Variants in PSMD1 observed in about 807,000 individuals in gnomAD.
PSMD1 encodes the protein proteasome 26S subunit, non-ATPase 1.
A neutral mutation model predicts 119.0 loss-of-function variants in PSMD1; 18 were observed. The observed-to-expected ratio is 0.15, with a 90% confidence interval of 0.10 to 0.22. The LOEUF (loss-of-function observed/expected upper bound fraction) is 0.22. Ranked by LOEUF, PSMD1 falls within the 10% of genes least tolerant of loss-of-function variation. PSMD1 has a pLI of 1.00. For synonymous variants in PSMD1, 374 were observed against 396.6 expected (o/e 0.94, Z 0.68); for missense variants, 702 against 1,158.5 (o/e 0.61, Z 5.72).
intron 16 of PSMD1, among the ~76,000 whole-genome samples, chr2:231,128,384 GCTTT>G (rs1280219843): frequency 1.3e-5 from 2 of 152,168 alleles, no homozygotes; most frequent in Non-Finnish European, 2.9e-5. Context: ...ATATTTCTCA[GCTTT>G]CTTTTTATTC....
intron 16 of PSMD1, among the ~76,000 whole-genome samples, chr2:231,123,157 G>A (rs1695604000): frequency 6.6e-6 from 1 of 152,082 alleles, no homozygotes; most frequent in Admixed American, 6.5e-5. Context: ...TCACTAACTT[G>A]AATGACTTTT....
chr2:231,105,963 T>TC (rs1349728556), intron 16 of PSMD1, among the ~76,000 whole-genome samples: 1 of 152,070 alleles, frequency 6.6e-6, no homozygotes. Flanking sequence ...CATTTTTTTT[T>TC]TCTACATCTT....
At chr2:231,158,180 G>A (rs984893792) in intron 19 of PSMD1, among the ~76,000 whole-genome samples, 1 of 151,986 alleles carries the variant, frequency 6.6e-6, no homozygotes, top group Non-Finnish European at 1.5e-5. Flanking sequence ...GCGTGGTGGT[G>A]CATGCCTGTA....
chr2:231,159,737 A>G (rs973121001), intron 19 of PSMD1, among the ~76,000 whole-genome samples: 1 of 152,204 alleles, frequency 6.6e-6, no homozygotes, highest in African/African-American at 2.4e-5. Context: ...ACTCTAGAGG[A>G]ATAGTCTAGG....
chr2:231,087,772 C>T (rs1694488172), intron 16 of PSMD1, among the ~76,000 whole-genome samples: 1 of 152,124 alleles, frequency 6.6e-6, no homozygotes, highest in Admixed American at 6.5e-5. Context: ...ATCACCCTGA[C>T]TAACACGGTG....
chr2:231,138,736 A>C lies in PSMD1; in HGVS notation c.1884A>C (p.Arg628Ser). The C allele has an allele frequency of 6.2e-7, 1 of 1,610,982 alleles. No homozygotes were observed. ...GGCTTCGCTTTCTGTTTCTTATCAG[A>C]ACCCCTGAACAGTGCCCAAGTGTTG... ...AVESLGFILF[R>S]TPEQCPSVVS... The change falls in exon 17 of 25, where the codon AGA (arginine) becomes AGC (serine). Residue 628 changes from arginine to serine, a missense_variant and splice_region_variant. Around this residue, in one of 9 missense-constraint regions of PSMD1, gnomAD observed 272 missense variants for 511.6 expected, o/e 0.53. Transcript: ENST00000308696.
chr2:231,097,924 C>T (rs772392462), intron 16 of PSMD1, among the ~76,000 whole-genome samples: 6 of 152,118 alleles, frequency 3.9e-5, no homozygotes, highest in Non-Finnish European at 8.8e-5. Flanking sequence ...CACACATCTG[C>T]TTGGGGATGA....
chr2:231,102,108 C>G (rs1441838225), intron 16 of PSMD1, among the ~76,000 whole-genome samples: 1 of 152,112 alleles, frequency 6.6e-6, no homozygotes, highest in African/African-American at 2.4e-5. Context: ...CATGAGCCAC[C>G]CATTGGGTCT....
At chr2:231,090,735 A>T (rs1439094320) in intron 16 of PSMD1, among the ~76,000 whole-genome samples, 1 of 152,164 alleles carries the variant, frequency 6.6e-6, no homozygotes, top group Non-Finnish European at 1.5e-5. Flanking sequence ...AGTCTAGAAG[A>T]AGTTGATTCC....
At chr2:231,124,032 G>GA (rs887303142) in intron 16 of PSMD1, 17 of 411,948 alleles carry the variant, frequency 4.1e-5, no homozygotes, top group Non-Finnish European at 5.8e-5. Context: ...TGATAGCTGT[G>GA]AAAAAAATAG....
intron 17 of PSMD1, 79 bp from the exon 18 acceptor site, chr2:231,146,161 C>A (rs889540631): frequency 4.2e-6 from 4 of 942,242 alleles, no homozygotes; most frequent in Non-Finnish European, 6.9e-6. Context: ...AATGTCGTTA[C>A]ATGGCATGTG....
chr2:231,116,790 A>T lies in PSMD1; in HGVS notation c.1884-21946A>T, dbSNP rs543596617. Among the ~76,000 whole-genome samples the T allele has an allele frequency of 7.9e-5, 12 of 152,218 alleles. No individual in the cohort carries two copies. The East Asian group carries it at 1.2e-3, about 15-fold the overall frequency. On this transcript the variant is annotated intron_variant, in intron 16 of 24. Coordinates refer to ENST00000308696, the MANE Select transcript of PSMD1 (RefSeq NM_002807.4). ...TTGTTAACAGAAATATTGAGATGTG[A>T]TACAGAATTTTCTTTAAGAAAGAAT...
chr2:231,069,883 C>A, intron 5 of PSMD1, 142 bp from the exon 6 acceptor site: 1 of 524,164 alleles, frequency 1.9e-6, no homozygotes, highest in East Asian at 3.6e-5. Context: ...GTTTAAAATT[C>A]TTGAGTTTGT....
In PSMD1 at chr2:231,144,324, T is replaced by A. The variant is rs549229110; in HGVS notation, c.1999-1916T>A. ...CGGAGTGCAATGGCACTATCCTGCC[T>A]CACTGCAACCTCTGCCTCCTTGGTT... On this transcript the variant is annotated intron_variant, in intron 17 of 24. Transcript: ENST00000308696. Among the ~76,000 whole-genome samples, 3 of 150,406 alleles carry A rather than the reference T, an allele frequency of 2.0e-5. No individual in the cohort carries two copies. The South Asian group carries it at 6.3e-4, about 32-fold the overall frequency.
intron 16 of PSMD1, among the ~76,000 whole-genome samples, chr2:231,125,687 G>A (rs1302754167): frequency 1.3e-5 from 2 of 152,146 alleles, no homozygotes; most frequent in African/African-American, 2.4e-5. Flanking sequence ...TACAAGTAAT[G>A]AAAATACGTT....
At chr2:231,109,469 G>T (rs1217156914) in intron 16 of PSMD1, 8 of 1,365,818 alleles carry the variant, frequency 5.9e-6, no homozygotes, top group Non-Finnish European at 8.4e-6. Context: ...TCTTCGATTA[G>T]ATCCTTTTGG....
At chr2:231,149,469 T>TA (rs930864565) in intron 18 of PSMD1, among the ~76,000 whole-genome samples, 4 of 152,026 alleles carry the variant, frequency 2.6e-5, no homozygotes, top group African/African-American at 4.8e-5. Flanking sequence ...ACCCTATCTC[T>TA]AAAAAACAAA....
intron 16 of PSMD1, among the ~76,000 whole-genome samples, chr2:231,128,822 G>A (rs1695788430): frequency 1.3e-5 from 2 of 152,298 alleles, no homozygotes; most frequent in South Asian, 2.1e-4. Context: ...CCACAATACA[G>A]CACCTTCTTC....
Position 231,096,093 on chromosome 2 carries a change from C to T in PSMD1, c.1883+8912C>T, listed in dbSNP as rs900332441. On this transcript the variant is annotated intron_variant, in intron 16 of 24. Coordinates refer to ENST00000308696, the MANE Select transcript of PSMD1 (RefSeq NM_002807.4). ...CTCAAACCTCTTGTAAATGGGCTAG[C>T]GGCTCCGTTCTTTCTAATGCTTTTT... is the stretch of plus-strand genomic sequence containing the variant. Among the ~76,000 whole-genome samples, 5 of 152,128 alleles carry T rather than the reference C, an allele frequency of 3.3e-5. No individual in the cohort carries two copies. The South Asian group carries it at 8.3e-4, about 25-fold the overall frequency.
Sources: gnomAD v4.1 joint callset for allele counts (sites outside exome capture counted in the v4.1 genomes callset) on GRCh38, gnomAD v4.1.1 for gene constraint, gnomAD v4.1.1 regional missense constraint, MANE v1.5 for transcripts, NCBI Gene and HGNC (gene_info 2026-07-23, HGNC 2026-07-21) for gene names.